Variants in ME3 observed in about 807,000 individuals in gnomAD.
ME3 encodes NADP-dependent malic enzyme, mitochondrial.
Under a neutral mutation model 68.9 loss-of-function variants are expected in ME3, and 48 were observed. The ratio of observed to expected loss-of-function variants is 0.70; its 90% CI spans 0.55 to 0.89. The LOEUF (loss-of-function observed/expected upper bound fraction) is 0.89, where lower values mean the gene tolerates loss of function less well. Among genes scored for constraint, ME3 ranks in the 40% least tolerant of loss-of-function variants. The probability of loss-of-function intolerance (pLI) is 0.00; values close to 1 mark genes in which losing one functional copy is unlikely to be tolerated. For missense variants in ME3, 675 were observed against 797.4 expected (o/e 0.85, Z 1.85); for synonymous variants, 320 against 318.8 (o/e 1.00, Z -0.04).
intron 2 of ME3, among the ~76,000 whole-genome samples, chr11:86,583,974 T>G (rs1338686955): frequency 6.6e-6 from 1 of 152,006 alleles, no homozygotes; most frequent in Non-Finnish European, 1.5e-5. Context: ...TGGGACTGTA[T>G]CAAACTAAAA....
intron 4 of ME3, among the ~76,000 whole-genome samples, chr11:86,510,908 G>A (rs906948110): frequency 6.6e-6 from 1 of 152,068 alleles, no homozygotes; most frequent in Non-Finnish European, 1.5e-5. Context: ...AAAAAACAAA[G>A]ACTCAAGACA....
At chr11:86,519,087 C>T (rs934198401) in intron 4 of ME3, among the ~76,000 whole-genome samples, 2 of 152,180 alleles carry the variant, frequency 1.3e-5, no homozygotes, top group Non-Finnish European at 2.9e-5. Context: ...TATTTTGTTA[C>T]ATACAGTAGC....
At chr11:86,438,331 C>T (rs1266762903), downstream of ME3, among the ~76,000 whole-genome samples, 1 of 151,934 alleles carries the variant, frequency 6.6e-6, no homozygotes, top group Non-Finnish European at 1.5e-5. Context: ...GGATAAAGCC[C>T]ACTTGTTTGT....
intron 4 of ME3, among the ~76,000 whole-genome samples, chr11:86,537,311 C>T (rs1441716785): frequency 6.6e-6 from 1 of 150,908 alleles, no homozygotes; most frequent in Non-Finnish European, 1.5e-5. Context: ...CGAAGTGCTA[C>T]ATAAATATAA....
chr11:86,444,196 A>G (rs988104401), intron 13 of ME3, among the ~76,000 whole-genome samples: 1 of 152,242 alleles, frequency 6.6e-6, no homozygotes, highest in South Asian at 2.1e-4. Context: ...TGATACCTGA[A>G]GGACAAAGCA....
chr11:86,643,719 G>A (rs907039230), intron 2 of ME3, among the ~76,000 whole-genome samples: 17 of 152,156 alleles, frequency 1.1e-4, no homozygotes, highest in African/African-American at 3.9e-4. Flanking sequence ...TTGCTAGTCT[G>A]TCTGTTCTTT....
At chr11:86,631,341 G>C (rs891717742) in intron 2 of ME3, among the ~76,000 whole-genome samples, 4 of 152,138 alleles carry the variant, frequency 2.6e-5, no homozygotes, top group African/African-American at 9.7e-5. Context: ...CTCATTAGGA[G>C]GGATAGAAAA....
chr11:86,601,112 C>T (rs879707579), intron 2 of ME3, among the ~76,000 whole-genome samples: 38 of 151,622 alleles, frequency 2.5e-4, no homozygotes, highest in East Asian at 3.9e-4. Flanking sequence ...CAGAGCAGAA[C>T]TGAAGGAAAT....
At chr11:86,627,371 G>T (rs970699474) in intron 2 of ME3, among the ~76,000 whole-genome samples, 1 of 152,170 alleles carries the variant, frequency 6.6e-6, no homozygotes, top group African/African-American at 2.4e-5. Flanking sequence ...TATAAGGACT[G>T]TTGCTGGATT....
chr11:86,584,875 T>C (rs1028040896), intron 2 of ME3, among the ~76,000 whole-genome samples: 6 of 152,218 alleles, frequency 3.9e-5, no homozygotes, highest in East Asian at 1.9e-4. Flanking sequence ...CTATATAACA[T>C]TGTGTCTGCA....
rs367868466 is a variant in ME3, at chr11:86,623,063, C to G, written c.183+48699G>C. 3.7e-4 allele frequency among the ~76,000 whole-genome samples: 57 copies of G among 152,150 alleles called. 2 individuals are homozygous for G. In the South Asian group the frequency reaches 0.012, roughly 31 times the overall value. On this transcript the variant is annotated intron_variant, in intron 2 of 14. Transcript: ENST00000543262. Reference sequence around the variant, plus strand: ...CCAACTTGACTGAGTCAGAGAATACCGAGACAGCAGGTAAAACATTATTTC... The same window carrying G: ...CCAACTTGACTGAGTCAGAGAATACGGAGACAGCAGGTAAAACATTATTTC...
chr11:86,523,921 G>A (rs1954527322), intron 4 of ME3, among the ~76,000 whole-genome samples: 1 of 152,192 alleles, frequency 6.6e-6, no homozygotes, highest in Admixed American at 6.5e-5. Flanking sequence ...AATTAGAACA[G>A]AGAAAGTTAA....
intron 4 of ME3, among the ~76,000 whole-genome samples, chr11:86,522,178 A>C (rs867050206): frequency 2.6e-5 from 4 of 152,146 alleles, no homozygotes; most frequent in African/African-American, 4.8e-5. Context: ...TGAACTCGGG[A>C]GGCAGAGGTT....
chr11:86,669,476 A>C (rs1001137580), intron 2 of ME3, among the ~76,000 whole-genome samples: 1 of 152,168 alleles, frequency 6.6e-6, no homozygotes, highest in Admixed American at 6.5e-5. Context: ...GAAACTTACA[A>C]TCATGGCGAA....
At chr11:86,609,043 G>T (rs1338628698) in intron 2 of ME3, among the ~76,000 whole-genome samples, 1 of 152,136 alleles carries the variant, frequency 6.6e-6, no homozygotes, top group African/African-American at 2.4e-5. Flanking sequence ...ATCCCTTTTA[G>T]ATAGATTCTA....
intron 2 of ME3, among the ~76,000 whole-genome samples, chr11:86,644,581 G>T (rs566846272): frequency 1.3e-5 from 2 of 152,274 alleles, no homozygotes; most frequent in Non-Finnish European, 2.9e-5. Context: ...CAGACTCTAC[G>T]TGATATAAGC....
intron 4 of ME3, among the ~76,000 whole-genome samples, chr11:86,521,452 TA>T (rs893955314): frequency 1.6e-4 from 22 of 136,888 alleles, no homozygotes; most frequent in African/African-American, 3.7e-4. Flanking sequence ...ATAATAATAA[TA>T]AAAAAATGGA....
At chr11:86,646,775 G>A (rs1399935455) in intron 2 of ME3, among the ~76,000 whole-genome samples, 2 of 151,996 alleles carry the variant, frequency 1.3e-5, no homozygotes, top group African/African-American at 4.8e-5. Flanking sequence ...TTGAAATGAA[G>A]GAAAAAATGT....
chr11:86,647,696 A>G (rs1945117477), intron 2 of ME3, among the ~76,000 whole-genome samples: 1 of 152,254 alleles, frequency 6.6e-6, no homozygotes. Context: ...CAATGCAACA[A>G]GAAGAGCTAA....
Sources: gnomAD v4.1 joint callset for allele counts (sites outside exome capture counted in the v4.1 genomes callset) on GRCh38, gnomAD v4.1.1 for gene constraint, MANE v1.5 for transcripts, NCBI Gene and HGNC (gene_info 2026-07-23, HGNC 2026-07-21) for gene names.